Variants in GPD2 observed in about 807,000 individuals in gnomAD.
GPD2 encodes the protein glycerol-3-phosphate dehydrogenase, mitochondrial.
Under a neutral mutation model 82.4 loss-of-function variants are expected in GPD2, and 54 were observed. The observed-to-expected ratio is 0.66, with a 90% CI of 0.53 to 0.82. The LOEUF (loss-of-function observed/expected upper bound fraction) is 0.82. Among genes scored for constraint, GPD2 ranks in the 40% least tolerant of loss-of-function variants. The pLI is 0.00. For synonymous variants in GPD2, 288 were observed against 306.1 expected, an observed-to-expected ratio of 0.94 and a Z score of 0.62; for missense variants, 748 against 896.2, an observed-to-expected ratio of 0.83 and a Z score of 2.11.
chr2:156,422,024 G>T, the GPD2 span, among the ~76,000 whole-genome samples: 1 of 152,166 alleles, frequency 6.6e-6, no homozygotes, highest in African/African-American at 2.4e-5. Context: ...CTACTTGGGA[G>T]GCGGAGGTGG....
At chr2:156,410,863 T>TTA in the GPD2 span, among the ~76,000 whole-genome samples, 161 of 151,824 alleles carry the variant, frequency 1.1e-3, no homozygotes, top group Middle Eastern at 0.017. Flanking sequence ...CTTTCCTCAA[T>TTA]TATATATATA....
chr2:156,495,199 A>T (rs1171237614), intron 2 of GPD2, among the ~76,000 whole-genome samples: 1 of 152,000 alleles, frequency 6.6e-6, no homozygotes, highest in African/African-American at 2.4e-5. Context: ...AAATACGAAA[A>T]TCAGCCAGGC....
At chr2:156,474,025 G>A (rs146691196) in intron 1 of GPD2, among the ~76,000 whole-genome samples, 19 of 152,220 alleles carry the variant, frequency 1.2e-4, no homozygotes, top group Admixed American at 8.5e-4. Flanking sequence ...TATTTTCCTA[G>A]TAAGAATCAT....
intron 6 of GPD2, among the ~76,000 whole-genome samples, chr2:156,545,260 G>T (rs991154173): frequency 6.6e-6 from 1 of 152,170 alleles, no homozygotes; most frequent in South Asian, 2.1e-4. Flanking sequence ...GGTAGGTGAG[G>T]CTTTGAATTA....
rs778983823 is a variant in GPD2 at position 156,496,261 on chromosome 2, T to C, written c.274+46T>C. 8.7e-6 allele frequency: 11 copies of C among 1,267,946 alleles called. 1 individual carries two copies. In the South Asian group the frequency reaches 1.4e-4, roughly 16 times the overall value. 78.5% of individuals were successfully genotyped at this position (1,267,946 alleles called of 1,614,324 possible). On this transcript the variant is annotated intron_variant, in intron 3 of 16. Coordinates refer to ENST00000438166, the MANE Select transcript of GPD2 (RefSeq NM_000408.5). ...TTTTAATTTTAAGTTCTGGGGTACA[T>C]GTGCAGGATGTGCAGGTTTGTTACA...
chr2:156,436,786 A>C (rs374561161), intron 1 of GPD2, among the ~76,000 whole-genome samples: 2 of 152,174 alleles, frequency 1.3e-5, no homozygotes, highest in Non-Finnish European at 2.9e-5. Flanking sequence ...AGTTCATGCA[A>C]ACTTTTAGCT....
intron 6 of GPD2, among the ~76,000 whole-genome samples, chr2:156,516,112 C>T (rs1028887557): frequency 2.0e-5 from 3 of 152,124 alleles, no homozygotes; most frequent in African/African-American, 7.2e-5. Flanking sequence ...GAAAATATTT[C>T]AATGTGAACT....
intron 6 of GPD2, among the ~76,000 whole-genome samples, chr2:156,520,786 A>G (rs915462152): frequency 2.0e-5 from 3 of 151,884 alleles, no homozygotes; most frequent in Non-Finnish European, 4.4e-5. Context: ...GGGTTTCACC[A>G]TGTTGCCCAG....
chr2:156,421,812 TAAG>T, the GPD2 span, among the ~76,000 whole-genome samples: 4 of 152,308 alleles, frequency 2.6e-5, no homozygotes, highest in African/African-American at 7.2e-5. Flanking sequence ...TGATTTTCCT[TAAG>T]AATGCTAAAA....
At chr2:156,415,096 T>C in the GPD2 span, among the ~76,000 whole-genome samples, 2 of 151,956 alleles carry the variant, frequency 1.3e-5, no homozygotes, top group Non-Finnish European at 2.9e-5. Context: ...ATTTGTAGTC[T>C]TTTATCCCTC....
chr2:156,498,680 G>A (rs1684476318), intron 3 of GPD2, among the ~76,000 whole-genome samples: 1 of 152,052 alleles, frequency 6.6e-6, no homozygotes, highest in Admixed American at 6.6e-5. Context: ...TTGGTGATGG[G>A]GAATGGATAC....
At chr2:156,554,220 C>G (rs1361364409) in intron 8 of GPD2, among the ~76,000 whole-genome samples, 6 of 152,228 alleles carry the variant, frequency 3.9e-5, no homozygotes, top group Non-Finnish European at 7.3e-5. Context: ...ACTGAAATGA[C>G]TCTGTGGTAT....
At chr2:156,477,358 G>A (rs757749894) in intron 2 of GPD2, among the ~76,000 whole-genome samples, 13 of 152,288 alleles carry the variant, frequency 8.5e-5, no homozygotes, top group Non-Finnish European at 1.5e-4. Flanking sequence ...CTTGAGCCTG[G>A]AAGGTGGAGG....
the GPD2 span, among the ~76,000 whole-genome samples, chr2:156,400,873 C>G: frequency 6.6e-6 from 1 of 152,152 alleles, no homozygotes; most frequent in Non-Finnish European, 1.5e-5. Context: ...ATTTTTTCTC[C>G]TTTCCTGTTG....
At chr2:156,415,707 T>A in the GPD2 span, among the ~76,000 whole-genome samples, 2 of 151,808 alleles carry the variant, frequency 1.3e-5, no homozygotes, top group Non-Finnish European at 2.9e-5. Flanking sequence ...AATACAAAAT[T>A]AGCCGGGTGT....
At chr2:156,531,107 A>G (rs1685838713) in intron 6 of GPD2, among the ~76,000 whole-genome samples, 1 of 152,218 alleles carries the variant, frequency 6.6e-6, no homozygotes, top group African/African-American at 2.4e-5. Context: ...GCGATTAAAC[A>G]CTTCACTCAC....
At chr2:156,452,376 AC>A (rs1416344505) in intron 1 of GPD2, among the ~76,000 whole-genome samples, 4 of 152,112 alleles carry the variant, frequency 2.6e-5, no homozygotes, top group African/African-American at 7.2e-5. Flanking sequence ...ACACAGCAAA[AC>A]CCCGTCTCCA....
intron 6 of GPD2, among the ~76,000 whole-genome samples, chr2:156,529,419 C>G (rs1685752449): frequency 7.3e-6 from 1 of 136,580 alleles, no homozygotes; most frequent in Non-Finnish European, 1.6e-5. Context: ...GTTTCTTTTG[C>G]TGTGCAGAAG....
chr2:156,488,967 T>C (rs1247884149), intron 2 of GPD2, among the ~76,000 whole-genome samples: 1 of 152,168 alleles, frequency 6.6e-6, no homozygotes, highest in Non-Finnish European at 1.5e-5. Flanking sequence ...GTTTGGGAGC[T>C]GTGGTTGGAA....
Sources: gnomAD v4.1 joint callset for allele counts (sites outside exome capture counted in the v4.1 genomes callset) on GRCh38, gnomAD v4.1.1 for gene constraint, MANE v1.5 for transcripts, NCBI Gene and HGNC (gene_info 2026-07-23, HGNC 2026-07-21) for gene names.